Variants in SLC25A17 observed in about 807,000 individuals in gnomAD.
SLC25A17 encodes peroxisomal membrane protein PMP34.
In SLC25A17, 26 loss-of-function variants were observed where a neutral mutation model predicts 38.5. The observed-to-expected ratio is 0.68, with a 90% CI of 0.50 to 0.94. The LOEUF (loss-of-function observed/expected upper bound fraction) is 0.94. Ranked by LOEUF, SLC25A17 falls within the 40% of genes least tolerant of loss-of-function variation. The pLI is 0.00. For synonymous variants in SLC25A17, 139 were observed against 136.2 expected (o/e 1.02, Z -0.14); for missense variants, 333 against 372.7 (o/e 0.89, Z 0.88).
At chr22:40,793,163 T>C (rs947735221) in intron 3 of SLC25A17, among the ~76,000 whole-genome samples, 1 of 152,080 alleles carries the variant, frequency 6.6e-6, no homozygotes, top group African/African-American at 2.4e-5. Context: ...CAGTAATCAA[T>C]TGTAAACCAT....
chr22:40,814,790 T>TATATATATA (rs56313372), intron 1 of SLC25A17, among the ~76,000 whole-genome samples: 26 of 118,932 alleles, frequency 2.2e-4, no homozygotes, highest in African/African-American at 3.0e-4. Context: ...TATATATATA[T>TATATATATA]TGTTGTTGTT....
chr22:40,799,009 T>C lies in SLC25A17; in HGVS notation c.115+14A>G, dbSNP rs759363607. The C allele has an allele frequency of 4.4e-5, 69 of 1,571,666 alleles. No individual in the cohort carries two copies. The East Asian group carries it at 1.5e-3, about 34-fold the overall frequency. ...TCCTGACACCATACAAATAGGAGTA[T>C]GATTTCTACTTACCCTGAAGTCGAA... On this transcript the variant is annotated intron_variant, in intron 2 of 8. Transcript: ENST00000435456.
intron 4 of SLC25A17, among the ~76,000 whole-genome samples, chr22:40,782,681 G>A (rs1471365546): frequency 6.6e-6 from 1 of 152,184 alleles, no homozygotes; most frequent in Non-Finnish European, 1.5e-5. Flanking sequence ...ACTTGACTCC[G>A]TAGGAAGGAA....
rs971176973 is a variant in SLC25A17, at chr22:40,778,431, G to A, written c.451+578C>T. On this transcript the variant is annotated intron_variant, in intron 5 of 8. Transcript: ENST00000435456. The stretch of plus-strand genomic sequence containing the variant: ...AATATGCTCATGCTGGTCCCAGAAA[G>A]AGGAGAGCCATGTGAACTGAGACTG... 2.6e-5 allele frequency among the ~76,000 whole-genome samples: 4 copies of A among 152,172 alleles called. No homozygotes were observed. In the East Asian group the frequency reaches 5.8e-4, roughly 22 times the overall value.
intron 1 of SLC25A17, among the ~76,000 whole-genome samples, chr22:40,806,058 G>A (rs1464316328): frequency 6.6e-6 from 1 of 152,152 alleles, no homozygotes; most frequent in African/African-American, 2.4e-5. Flanking sequence ...AAGGTGACTT[G>A]GAGCACCCAG....
At chr22:40,800,440 C>A (rs796645630) in intron 1 of SLC25A17, among the ~76,000 whole-genome samples, 10 of 152,230 alleles carry the variant, frequency 6.6e-5, no homozygotes, top group African/African-American at 2.4e-4. Context: ...GCTATGTCAT[C>A]TAGGCTCCAG....
At chr22:40,793,148 A>C (rs1490250842) in intron 3 of SLC25A17, among the ~76,000 whole-genome samples, 2 of 152,178 alleles carry the variant, frequency 1.3e-5, no homozygotes, top group East Asian at 3.9e-4. Flanking sequence ...CAAAATAATG[A>C]AGTACAGTAA....
chr22:40,810,315 A>AT (rs1387940121), intron 1 of SLC25A17, among the ~76,000 whole-genome samples: 1 of 150,920 alleles, frequency 6.6e-6, no homozygotes, highest in African/African-American at 2.4e-5. Context: ...AGCTTCAACA[A>AT]TTAACAAATT....
chr22:40,790,134 G>A (rs1477826266), intron 4 of SLC25A17, among the ~76,000 whole-genome samples: 2 of 151,604 alleles, frequency 1.3e-5, no homozygotes, highest in Non-Finnish European at 2.9e-5. Flanking sequence ...GAGGTCAGGA[G>A]TTTGAGACCA....
chr22:40,810,478 G>C (rs1260282194), intron 1 of SLC25A17, among the ~76,000 whole-genome samples: 3 of 151,608 alleles, frequency 2.0e-5, no homozygotes, highest in African/African-American at 7.3e-5. Flanking sequence ...CTCCTGAGTA[G>C]CTGGGATTAC....
intron 2 of SLC25A17, 56 bp downstream of exon 2, chr22:40,798,967 T>G: frequency 1.8e-6 from 2 of 1,103,136 alleles, no homozygotes; most frequent in South Asian, 2.8e-5. Flanking sequence ...AAGAAATTAC[T>G]AGCGAAAATG....
Position 40,770,866 on chromosome 22 carries a change from CTG to C in SLC25A17, c.890_891del (p.Thr297SerfsTer34). On this transcript the variant is annotated frameshift_variant, in exon 9 of 9. Transcript: ENST00000435456. LOFTEE classifies it high-confidence loss of function. ...VYEKLTAATFTVMGLKRAHQH is the reference protein window; with the variant it reads ...VYEKLTAATFXVMGLKRAHQH ...TGGTGTGCACGCTTCAGCCCCATAA[CTG>C]TGAAGGTGGCAGCTGTCAGTTTCTC... is the stretch of plus-strand genomic sequence containing the variant. The C allele has an allele frequency of 1.2e-6, 2 of 1,613,380 alleles. No individual in the cohort carries two copies. Among genetic ancestry groups the C allele is most frequent in the South Asian group, 1.1e-5 (1 of 91,004 alleles).
chr22:40,780,029 T>A (rs947952972), intron 4 of SLC25A17: 6 of 152,096 alleles, frequency 3.9e-5, no homozygotes, highest in African/African-American at 1.4e-4. Context: ...AAAGCACACA[T>A]CCAACTGTCT....
chr22:40,780,568 T>C (rs915921939), intron 4 of SLC25A17, among the ~76,000 whole-genome samples: 2 of 152,198 alleles, frequency 1.3e-5, no homozygotes, highest in African/African-American at 4.8e-5. Flanking sequence ...TCCTATTCAA[T>C]GCAATGCACA....
intron 5 of SLC25A17, among the ~76,000 whole-genome samples, chr22:40,777,739 G>A (rs925281313): frequency 1.4e-5 from 2 of 147,938 alleles, no homozygotes; most frequent in Non-Finnish European, 3.0e-5. Flanking sequence ...CCAAGATTGT[G>A]CCACTGCACT....
At chr22:40,808,804 G>A (rs1436626487) in intron 1 of SLC25A17, among the ~76,000 whole-genome samples, 1 of 152,154 alleles carries the variant, frequency 6.6e-6, no homozygotes, top group Non-Finnish European at 1.5e-5. Flanking sequence ...ATCCTTTCTA[G>A]GAGGTTTTGT....
In SLC25A17 at chr22:40,777,359, T is replaced by C; in HGVS notation, c.466A>G (p.Ile156Val). 5 of 1,613,402 alleles carry C rather than the reference T, an allele frequency of 3.1e-6. No homozygotes were observed. The highest frequency in any genetic ancestry group is 4.2e-6 in the Non-Finnish European group (5 of 1,179,754). The change falls in exon 6 of 9, where the codon ATC becomes GTC. Residue 156 changes from isoleucine to valine, a missense_variant. Coordinates refer to ENST00000435456, the MANE Select transcript of SLC25A17 (RefSeq NM_006358.4). ...YKGIIDAFHQ[I>V]IRDEGISALW... The stretch of plus-strand genomic sequence containing the variant: ...GCCGAGATTCCTTCATCGCGAATGA[T>C]CTGATGAAAAGCATCTAAGCAAGAA...
chr22:40,810,622 C>T (rs1026250865), intron 1 of SLC25A17, among the ~76,000 whole-genome samples: 1 of 152,124 alleles, frequency 6.6e-6, no homozygotes, highest in Non-Finnish European at 1.5e-5. Flanking sequence ...GCTAGGATTA[C>T]AGGCGTAAGC....
intron 4 of SLC25A17, chr22:40,784,643 G>C: frequency 5.1e-6 from 1 of 194,946 alleles, no homozygotes; most frequent in Admixed American, 5.0e-5. Flanking sequence ...GGGTGTGGTG[G>C]CATCCCTGTA....
Sources: gnomAD v4.1 joint callset for allele counts (sites outside exome capture counted in the v4.1 genomes callset) on GRCh38, gnomAD v4.1.1 for gene constraint, MANE v1.5 for transcripts, NCBI Gene and HGNC (gene_info 2026-07-23, HGNC 2026-07-21) for gene names.